The following GPR158 variants were observed in gnomAD, a reference collection of about 807,000 sequenced individuals.
The protein encoded by GPR158 is metabotropic glycine receptor.
GPR158 carries 30 observed loss-of-function variants against 78.2 expected under a neutral mutation model. The observed-to-expected ratio is 0.38, with a 90% CI of 0.29 to 0.52. The LOEUF is 0.52. Ranked by LOEUF, GPR158 falls within the 20% of genes least tolerant of loss-of-function variation. The pLI is 0.83. For synonymous variants in GPR158, 581 were observed against 591.1 expected (o/e 0.98, Z 0.25); for missense variants, 1,463 against 1,523.5 (o/e 0.96, Z 0.66).
intron 4 of GPR158, among the ~76,000 whole-genome samples, chr10:25,428,070 A>G (rs1347777812): frequency 6.6e-6 from 1 of 152,072 alleles, no homozygotes; most frequent in East Asian, 1.9e-4. Flanking sequence ...ATTGCTTTAT[A>G]CATTTGTTTC....
intron 1 of GPR158, among the ~76,000 whole-genome samples, chr10:25,180,831 A>C (rs1852602496): frequency 1.3e-5 from 2 of 152,158 alleles, no homozygotes; most frequent in Non-Finnish European, 2.9e-5. Flanking sequence ...GAGGAAGAGG[A>C]AACCAAGTGA....
chr10:25,422,641 A>AAAAAAG (rs56289037), intron 4 of GPR158, among the ~76,000 whole-genome samples: 1 of 150,992 alleles, frequency 6.6e-6, no homozygotes, highest in Non-Finnish European at 1.5e-5. Flanking sequence ...AAAAAAAAAA[A>AAAAAAG]TGTGACATAT....
intron 6 of GPR158, among the ~76,000 whole-genome samples, chr10:25,555,017 G>C (rs1343078025): frequency 6.7e-6 from 1 of 149,362 alleles, no homozygotes; most frequent in Non-Finnish European, 1.5e-5. Flanking sequence ...AGGAAAGAAA[G>C]AAAAGAAAAG....
At chr10:25,516,528 A>G (rs1376271455) in intron 5 of GPR158, among the ~76,000 whole-genome samples, 4,329 of 139,694 alleles carry the variant, frequency 0.031, 224 homozygotes, top group African/African-American at 0.11. Flanking sequence ...TCTTTAATCC[A>G]TCTTGAATTG....
chr10:25,397,806 A>G (rs1325718463), intron 3 of GPR158, among the ~76,000 whole-genome samples: 3 of 151,744 alleles, frequency 2.0e-5, no homozygotes, highest in Non-Finnish European at 4.4e-5. Flanking sequence ...TGGGATAGTC[A>G]CTCCCTTGCT....
intron 4 of GPR158, among the ~76,000 whole-genome samples, chr10:25,446,485 A>T (rs1203445589): frequency 1.3e-5 from 2 of 151,576 alleles, no homozygotes; most frequent in East Asian, 3.8e-4. Flanking sequence ...ACATTAACGA[A>T]TCCATTCTAT....
At chr10:25,448,107 C>T (rs1317173665) in intron 4 of GPR158, among the ~76,000 whole-genome samples, 8 of 129,008 alleles carry the variant, frequency 6.2e-5, no homozygotes, top group African/African-American at 1.9e-4. Flanking sequence ...TTTTTTGAGA[C>T]GGAGTCTCGT....
chr10:25,454,169 T>G (rs1025379982), intron 4 of GPR158, among the ~76,000 whole-genome samples: 4 of 152,106 alleles, frequency 2.6e-5, no homozygotes, highest in African/African-American at 9.7e-5. Context: ...CATATTTTCT[T>G]TTTAGGCTAT....
At chr10:25,290,201 G>A (rs751872528) in intron 2 of GPR158, among the ~76,000 whole-genome samples, 7 of 152,034 alleles carry the variant, frequency 4.6e-5, no homozygotes, top group Admixed American at 6.6e-5. Context: ...TCTTTTTATC[G>A]GATATATCAA....
chr10:25,566,168 T>G (rs1855671), intron 6 of GPR158, among the ~76,000 whole-genome samples: 88,012 of 151,960 alleles, frequency 0.58, 27,779 homozygotes, highest in African/African-American at 0.84. Flanking sequence ...CATAGATAAG[T>G]TCTGCTGGTC....
intron 2 of GPR158, among the ~76,000 whole-genome samples, chr10:25,323,146 CTGAT>C (rs1854979487): frequency 6.6e-6 from 1 of 151,926 alleles, no homozygotes; most frequent in East Asian, 1.9e-4. Context: ...CGCCTGGCCT[CTGAT>C]TGGCAAGTCT....
Position 25,200,868 on chromosome 10 carries a change from G to GTTT in GPR158, c.903-20167_903-20165dup, listed in dbSNP as rs56696555. Among the ~76,000 whole-genome samples the GTTT allele has an allele frequency of 2.1e-4, 24 of 113,346 alleles. No individual in the cohort carries two copies. In the East Asian group the frequency reaches 2.6e-3, roughly 12 times the overall value. 74.4% of individuals were successfully genotyped at this position (113,346 alleles called of 152,430 possible). ...GATCTATGTATCTGTTTTTTGTTTT[G>GTTT]TTTTTTTTTTTTTTTTTTTCAGTAC... On this transcript the variant is annotated intron_variant, in intron 1 of 10. Coordinates refer to ENST00000376351, the MANE Select transcript of GPR158 (RefSeq NM_020752.3).
chr10:25,450,815 G>T (rs2130600720), intron 4 of GPR158, among the ~76,000 whole-genome samples: 1 of 152,214 alleles, frequency 6.6e-6, no homozygotes, highest in East Asian at 1.9e-4. Flanking sequence ...GAAGCAGAAA[G>T]TAAAAGCTCC....
At position 25,269,141 on chromosome 10, in the gene GPR158, G is replaced by T. The variant is rs150311925; in HGVS notation, c.1008+47984G>T. ...CATTCAGTTAAAAAAATGAACCAAA[G>T]AATTTCTGACAATAAATCGTATTAA... On this transcript the variant is annotated intron_variant, in intron 2 of 10. Coordinates refer to ENST00000376351, the MANE Select transcript of GPR158 (RefSeq NM_020752.3). 7.5e-3 allele frequency among the ~76,000 whole-genome samples: 1,142 copies of T among 152,224 alleles called. 22 individuals are homozygous for T. Among genetic ancestry groups the T allele is most frequent in the African/African-American group, 0.027 (1,110 of 41,536 alleles).
chr10:25,415,282 G>A (rs773577695), intron 4 of GPR158, among the ~76,000 whole-genome samples: 1 of 151,996 alleles, frequency 6.6e-6, no homozygotes, highest in African/African-American at 2.4e-5. Flanking sequence ...ATAAGGAATA[G>A]TATCCAGAAT....
chr10:25,315,396 C>T (rs1854833316), intron 2 of GPR158, among the ~76,000 whole-genome samples: 1 of 152,010 alleles, frequency 6.6e-6, no homozygotes, highest in Admixed American at 6.6e-5. Flanking sequence ...TTGTTAGAGT[C>T]TACTTTGATA....
At chr10:25,299,663 C>G (rs2130773256) in intron 2 of GPR158, among the ~76,000 whole-genome samples, 1 of 152,156 alleles carries the variant, frequency 6.6e-6, no homozygotes, top group South Asian at 2.1e-4. Context: ...ATTTTTGTAT[C>G]TTAGCTATTG....
intron 4 of GPR158, among the ~76,000 whole-genome samples, chr10:25,441,869 TAGTC>T (rs1408078168): frequency 4.6e-5 from 7 of 152,164 alleles, no homozygotes; most frequent in Non-Finnish European, 1.0e-4. Context: ...TGGCTTTCCT[TAGTC>T]AGGGAGAAAT....
At chr10:25,545,045 T>G (rs890854878) in intron 5 of GPR158, among the ~76,000 whole-genome samples, 1 of 152,230 alleles carries the variant, frequency 6.6e-6, no homozygotes, top group African/African-American at 2.4e-5. Flanking sequence ...ACTCATCCTT[T>G]TTATGGCTGC....
Sources: allele counts gnomAD v4.1 joint callset (sites outside exome capture counted in the v4.1 genomes callset), GRCh38; gene constraint gnomAD v4.1.1; transcripts MANE v1.5; gene names NCBI Gene and HGNC (gene_info 2026-07-23, HGNC 2026-07-21).